The following STK32B variants were observed in gnomAD, a reference collection of about 807,000 sequenced individuals.
The protein encoded by STK32B is serine/threonine-protein kinase 32B.
Under a neutral mutation model 52.6 loss-of-function variants are expected in STK32B, and 43 were observed. The observed-to-expected ratio is 0.82, with a 90% confidence interval of 0.64 to 1.05. The LOEUF (loss-of-function observed/expected upper bound fraction) is 1.05, where lower values mean the gene tolerates loss of function less well. STK32B is among the 50% of genes least tolerant of loss of function. The probability of loss-of-function intolerance (pLI) is 0.00; values close to 1 mark genes in which losing one functional copy is unlikely to be tolerated. For missense variants in STK32B, 621 were observed against 534.6 expected (o/e 1.16, Z -1.59); for synonymous variants, 238 against 204.3 (o/e 1.17, Z -1.41).
At chr4:5,366,141 C>A (rs1176949878) in intron 4 of STK32B, among the ~76,000 whole-genome samples, 1 of 152,178 alleles carries the variant, frequency 6.6e-6, no homozygotes, top group Admixed American at 6.5e-5. Flanking sequence ...TGATCCCCCA[C>A]CTATTGGCTG....
chr4:5,330,818 G>A (rs1732188479), intron 3 of STK32B, among the ~76,000 whole-genome samples: 1 of 152,226 alleles, frequency 6.6e-6, no homozygotes, highest in South Asian at 2.1e-4. Flanking sequence ...TGCATATGCA[G>A]GGAATGGAGG....
intron 1 of STK32B, among the ~76,000 whole-genome samples, chr4:5,104,315 T>C (rs1406372949): frequency 5.9e-5 from 9 of 152,222 alleles, no homozygotes; most frequent in Non-Finnish European, 1.2e-4. Context: ...ATCCCTTTGC[T>C]CTTCCATCAT....
chr4:5,129,513 A>G (rs912469511), intron 1 of STK32B, among the ~76,000 whole-genome samples: 1 of 152,206 alleles, frequency 6.6e-6, no homozygotes, highest in Admixed American at 6.5e-5. Context: ...GGTAGGATGA[A>G]ACTTTTCTCT....
chr4:5,427,149 G>A (rs879889320), intron 6 of STK32B, among the ~76,000 whole-genome samples: 5 of 152,112 alleles, frequency 3.3e-5, no homozygotes, highest in Admixed American at 6.5e-5. Flanking sequence ...TAAATCTGTC[G>A]AGATAATCCT....
chr4:5,450,471 A>G (rs1201515506), intron 7 of STK32B, among the ~76,000 whole-genome samples: 1 of 152,152 alleles, frequency 6.6e-6, no homozygotes, highest in East Asian at 1.9e-4. Context: ...TACCTCCAGA[A>G]AGAATCTTTT....
intron 3 of STK32B, among the ~76,000 whole-genome samples, chr4:5,301,959 CT>C: frequency 6.6e-6 from 1 of 151,328 alleles, no homozygotes. Context: ...TATGTAGCCA[CT>C]TTGTAATTTT....
intron 3 of STK32B, among the ~76,000 whole-genome samples, chr4:5,284,899 G>A (rs1728449248): frequency 6.6e-6 from 1 of 152,062 alleles, no homozygotes; most frequent in African/African-American, 2.4e-5. Flanking sequence ...GCCACTTGTG[G>A]TGCTAGAAAC....
At chr4:5,133,811 G>A (rs1560168655) in intron 1 of STK32B, among the ~76,000 whole-genome samples, 1 of 152,182 alleles carries the variant, frequency 6.6e-6, no homozygotes, top group Non-Finnish European at 1.5e-5. Flanking sequence ...TTACTGAGTT[G>A]CCCTTTTGCT....
chr4:5,447,209 C>T (rs1715541168), intron 7 of STK32B: 1 of 155,910 alleles, frequency 6.4e-6, no homozygotes, highest in South Asian at 2.0e-4. Context: ...AACTCAGTGT[C>T]CTATAAAAAT....
intron 3 of STK32B, among the ~76,000 whole-genome samples, chr4:5,301,211 T>A (rs1397344838): frequency 6.6e-6 from 1 of 152,090 alleles, no homozygotes. Flanking sequence ...TGTCTGTATT[T>A]ATGAAGGATA....
chr4:5,496,436 G>T (rs1469605432), intron 11 of STK32B, among the ~76,000 whole-genome samples: 3 of 152,192 alleles, frequency 2.0e-5, no homozygotes, highest in Non-Finnish European at 4.4e-5. Context: ...GAAAAGCGCA[G>T]TATTGGGGTG....
At position 5,192,898 on chromosome 4, in the gene STK32B, C is replaced by T. The variant is rs1048424291; in HGVS notation, c.260+24448C>T. Among the ~76,000 whole-genome samples the T allele has an allele frequency of 5.3e-5, 8 of 152,310 alleles. 1 individual carries two copies. Among genetic ancestry groups the T allele is most frequent in the Admixed American group, 3.9e-4 (6 of 15,292 alleles). On this transcript the variant is annotated intron_variant, in intron 3 of 11. Transcript: ENST00000282908. ...CCTCCACCCAGCCCCTGGCACCCTC[C>T]GTTCCACTCTCTGCTTCTATGAGCA...
At chr4:5,360,132 G>A (rs902250510) in intron 4 of STK32B, among the ~76,000 whole-genome samples, 4 of 152,138 alleles carry the variant, frequency 2.6e-5, no homozygotes, top group East Asian at 3.9e-4. Context: ...CAGATAACCC[G>A]CCGTATACCT....
chr4:5,052,290 C>T (rs953375321), intron 1 of STK32B, among the ~76,000 whole-genome samples: 1 of 152,056 alleles, frequency 6.6e-6, no homozygotes. Context: ...CTGAGGCTGA[C>T]GGAGGTGGCC....
intron 1 of STK32B, among the ~76,000 whole-genome samples, chr4:5,087,444 C>A (rs967486027): frequency 6.6e-6 from 1 of 151,756 alleles, no homozygotes; most frequent in Non-Finnish European, 1.5e-5. Context: ...TAAATTCTTC[C>A]TTAACAGTAG....
At chr4:5,093,310 A>G (rs1168363886) in intron 1 of STK32B, among the ~76,000 whole-genome samples, 1 of 152,232 alleles carries the variant, frequency 6.6e-6, no homozygotes, top group Non-Finnish European at 1.5e-5. Context: ...AGTCAAAAGA[A>G]ACGTAAACAA....
intron 3 of STK32B, among the ~76,000 whole-genome samples, chr4:5,299,160 G>T (rs1203604723): frequency 6.6e-6 from 1 of 151,722 alleles, no homozygotes; most frequent in Non-Finnish European, 1.5e-5. Context: ...AGATGAACTG[G>T]GTACCTCAGT....
intron 1 of STK32B, among the ~76,000 whole-genome samples, chr4:5,124,772 T>C (rs1715261180): frequency 6.6e-6 from 1 of 152,200 alleles, no homozygotes; most frequent in African/African-American, 2.4e-5. Flanking sequence ...GTGTGTGTTT[T>C]AGGGGACATC....
intron 2 of STK32B, among the ~76,000 whole-genome samples, chr4:5,142,838 A>G (rs1315486028): frequency 6.6e-6 from 1 of 152,218 alleles, no homozygotes; most frequent in Admixed American, 6.5e-5. Flanking sequence ...TGTTTAAATC[A>G]GTAGACTTTG....
Sources: gnomAD v4.1 joint callset for allele counts (sites outside exome capture counted in the v4.1 genomes callset) on GRCh38, gnomAD v4.1.1 for gene constraint, MANE v1.5 for transcripts, NCBI Gene and HGNC (gene_info 2026-07-23, HGNC 2026-07-21) for gene names.